Variants in DSCAML1 observed in about 807,000 individuals in gnomAD.
DSCAML1 encodes cell adhesion molecule DSCAML1.
In DSCAML1, 38 loss-of-function variants were observed where a neutral mutation model predicts 200.5. That is an observed-to-expected ratio of 0.19 (90% CI 0.15 to 0.25). DSCAML1 has a LOEUF of 0.25. Among genes scored for constraint, DSCAML1 ranks in the 10% least tolerant of loss-of-function variants. DSCAML1 has a pLI of 1.00. For synonymous variants in DSCAML1, 1,215 were observed against 1,165.0 expected (o/e 1.04, Z -0.87); for missense variants, 2,223 against 2,858.8 (o/e 0.78, Z 5.07).
intron 1 of DSCAML1, among the ~76,000 whole-genome samples, chr11:117,792,013 CTTGACTCCA>C (rs1170611137): frequency 1.3e-5 from 2 of 152,204 alleles, no homozygotes; most frequent in East Asian, 3.9e-4. Context: ...AAAGATTTGC[CTTGACTCCA>C]AATTTCTACC....
chr11:117,576,358 A>C (rs1168660145), intron 3 of DSCAML1, among the ~76,000 whole-genome samples: 1 of 152,164 alleles, frequency 6.6e-6, no homozygotes, highest in African/African-American at 2.4e-5. Context: ...CACGAGGACC[A>C]ATCTGGCTCG....
intron 3 of DSCAML1, among the ~76,000 whole-genome samples, chr11:117,679,147 TGTGGGACGATGC>T (rs1652222644): frequency 6.6e-6 from 1 of 152,246 alleles, no homozygotes; most frequent in South Asian, 2.1e-4. Flanking sequence ...GTCTGGCCAC[TGTGGGACGATGC>T]GTGTTAGGCA....
chr11:117,732,093 C>T (rs976579403), intron 3 of DSCAML1, among the ~76,000 whole-genome samples: 1 of 152,196 alleles, frequency 6.6e-6, no homozygotes, highest in African/African-American at 2.4e-5. Context: ...AGGCACTGCC[C>T]CTCCCAGGGA....
At chr11:117,482,241 C>T in intron 11 of DSCAML1, 79 bp from the exon 12 acceptor site, 1 of 1,511,870 alleles carries the variant, frequency 6.6e-7, no homozygotes, top group Non-Finnish European at 9.0e-7. Context: ...TGCGCAGAAG[C>T]CCCCGCCCCA....
intron 3 of DSCAML1, among the ~76,000 whole-genome samples, chr11:117,638,161 T>G (rs2052329450): frequency 6.6e-6 from 1 of 152,206 alleles, no homozygotes; most frequent in Non-Finnish European, 1.5e-5. Context: ...GTAAACATTA[T>G]GAAGAGGCAG....
chr11:117,769,294 A>G (rs1455322049), intron 3 of DSCAML1, among the ~76,000 whole-genome samples: 8 of 3,156 alleles, frequency 2.5e-3, no homozygotes, highest in Admixed American at 0.01. Context: ...TATTTTATAT[A>G]TTTATATATA....
intron 4 of DSCAML1, among the ~76,000 whole-genome samples, chr11:117,532,131 CAA>C (rs397767566): frequency 7.2e-6 from 1 of 139,300 alleles, no homozygotes. Flanking sequence ...ACAGGAAAGA[CAA>C]AAAAAAAAGG....
At chr11:117,577,660 G>A (rs146563187) in intron 3 of DSCAML1, among the ~76,000 whole-genome samples, 10 of 150,350 alleles carry the variant, frequency 6.7e-5, no homozygotes, top group African/African-American at 2.5e-4. Flanking sequence ...TCTGCCTCCC[G>A]GGTTCAAGCA....
chr11:117,724,297 C>T lies in DSCAML1; in HGVS notation c.511+52494G>A, dbSNP rs559392072. ...GGGTCCCCTGGTCTGATTGGGTCCT[C>T]GTCCATAGGCAGCACCGCCAGGCAC... is the stretch of plus-strand genomic sequence containing the variant. On this transcript the variant is annotated intron_variant, in intron 3 of 32. Transcript: ENST00000651296. 6.9e-4 allele frequency among the ~76,000 whole-genome samples: 105 copies of T among 152,312 alleles called. 1 individual carries two copies. The highest frequency in any genetic ancestry group is 3.4e-3 in the Admixed American group (52 of 15,298).
intron 1 of DSCAML1, among the ~76,000 whole-genome samples, chr11:117,816,686 G>A (rs941451203): frequency 3.3e-5 from 5 of 152,104 alleles, no homozygotes; most frequent in African/African-American, 4.8e-5. Context: ...ACTCCCACCC[G>A]TCTGTCCAGG....
intron 3 of DSCAML1, among the ~76,000 whole-genome samples, chr11:117,573,623 C>T (rs533085121): frequency 1.8e-4 from 27 of 152,352 alleles, no homozygotes; most frequent in Non-Finnish European, 3.2e-4. Context: ...AGGCCATCAG[C>T]GTCCTCTGCC....
intron 3 of DSCAML1, among the ~76,000 whole-genome samples, chr11:117,664,730 G>A (rs1046766595): frequency 1.3e-5 from 2 of 152,134 alleles, no homozygotes; most frequent in Non-Finnish European, 2.9e-5. Context: ...TGATGGCCTG[G>A]TTTACAAACT....
intron 3 of DSCAML1, among the ~76,000 whole-genome samples, chr11:117,641,030 T>C (rs1184604970): frequency 1.3e-5 from 2 of 152,228 alleles, no homozygotes; most frequent in Admixed American, 6.5e-5. Flanking sequence ...TTTATTTTGA[T>C]AGAGGGGAAT....
rs114696607 is a variant in DSCAML1, at chr11:117,487,696, G to A, written c.2360-5534C>T. On this transcript the variant is annotated intron_variant, in intron 11 of 32. Transcript: ENST00000651296. ...GGGACCCTATTTGACGAAGGACATT[G>A]ACAGGCTGGAGTGTGACCAGTAAGA... Among the ~76,000 whole-genome samples, 570 of 152,324 alleles carry A rather than the reference G, an allele frequency of 3.7e-3. 8 individuals are homozygous for A. The highest frequency in any genetic ancestry group is 0.013 in the African/African-American group (526 of 41,560).
At chr11:117,451,704 A>T (rs2048286593) in intron 19 of DSCAML1, among the ~76,000 whole-genome samples, 1 of 152,046 alleles carries the variant, frequency 6.6e-6, no homozygotes, top group East Asian at 1.9e-4. Flanking sequence ...TTTCCCAGCT[A>T]CTAGGGAGGC....
chr11:117,712,849 C>G (rs918157257), intron 3 of DSCAML1, among the ~76,000 whole-genome samples: 1 of 151,984 alleles, frequency 6.6e-6, no homozygotes, highest in African/African-American at 2.4e-5. Flanking sequence ...ATGTCTTCCC[C>G]CCGCCTCTCT....
chr11:117,470,351 G>A (rs974450253), intron 15 of DSCAML1, among the ~76,000 whole-genome samples: 3 of 152,178 alleles, frequency 2.0e-5, no homozygotes, highest in East Asian at 3.9e-4. Flanking sequence ...CAAGGCGGGC[G>A]GATCACGAGG....
chr11:117,681,497 C>T (rs534246821), intron 3 of DSCAML1, among the ~76,000 whole-genome samples: 27 of 152,314 alleles, frequency 1.8e-4, no homozygotes, highest in African/African-American at 6.5e-4. Context: ...CTTTTGCAGG[C>T]TATTCCAAGG....
At chr11:117,759,231 A>G (rs1591479646) in intron 3 of DSCAML1, among the ~76,000 whole-genome samples, 1 of 152,108 alleles carries the variant, frequency 6.6e-6, no homozygotes, top group South Asian at 2.1e-4. Context: ...AAGGCCCCCT[A>G]TAGCCCTGAC....
Sources: gnomAD v4.1 joint callset for allele counts (sites outside exome capture counted in the v4.1 genomes callset) on GRCh38, gnomAD v4.1.1 for gene constraint, MANE v1.5 for transcripts, NCBI Gene and HGNC (gene_info 2026-07-23, HGNC 2026-07-21) for gene names.